Variants in BCL10 observed in about 807,000 individuals in gnomAD.
BCL10 encodes the protein BCL10 immune signaling adaptor, also known as B-cell lymphoma/leukemia 10.
In BCL10, 5 loss-of-function variants were observed where a neutral mutation model predicts 19.2. That is an observed-to-expected ratio of 0.26 (90% CI 0.14 to 0.55). BCL10 has a LOEUF of 0.55. Ranked by LOEUF, BCL10 falls within the 20% of genes least tolerant of loss-of-function variation. BCL10 has a pLI of 0.94. For missense variants in BCL10, 201 were observed against 271.9 expected (o/e 0.74, Z 1.83); for synonymous variants, 110 against 98.8 (o/e 1.11, Z -0.67).
At position 85,266,039 on chromosome 1, in the gene BCL10, A is replaced by G. The variant is rs1267437269; in HGVS notation, c.*1588T>C. 1.3e-5 allele frequency among the ~76,000 whole-genome samples: 2 copies of G among 152,150 alleles called. No individual in the cohort carries two copies. Among genetic ancestry groups the G allele is most frequent in the Non-Finnish European group, 2.9e-5 (2 of 68,014 alleles). ...TGAAACATTTCTCTATAATCCTTAG[A>G]AAGTGCTTATACTAAAAAAAATCCA... On this transcript the variant is annotated 3_prime_UTR_variant, in exon 3 of 3. Transcript: ENST00000648566.
At chr1:85,269,420 A>G (rs1660298892) in intron 2 of BCL10, among the ~76,000 whole-genome samples, 2 of 152,188 alleles carry the variant, frequency 1.3e-5, no homozygotes, top group South Asian at 4.1e-4. Flanking sequence ...AGGCACAGAA[A>G]CCCTGAGTTG....
Position 85,267,969 on chromosome 1 carries a change from G to A in BCL10, c.360C>T (p.Ser120=), listed in dbSNP as rs759056975. The A allele has an allele frequency of 3.4e-5, 53 of 1,556,768 alleles. 1 individual carries two copies. Among genetic ancestry groups the A allele is most frequent in the South Asian group, 3.3e-4 (27 of 82,966 alleles). Residue 120 remains serine, a synonymous_variant, in exon 3 of 3, where the codon AGC becomes AGT. Transcript: ENST00000648566. The part of the protein sequence containing the change: ...KLEHLKGLKC[S]SCEPFPDGAT... ...CTCCATCTGGAAAAGGTTCACAACT[G>A]CTACATTTTAGTCCTACAATAAAAT... is the stretch of plus-strand genomic sequence containing the variant.
intron 1 of BCL10, among the ~76,000 whole-genome samples, chr1:85,271,441 C>CTG (rs1249772381): frequency 1.3e-5 from 2 of 152,034 alleles, no homozygotes; most frequent in African/African-American, 4.8e-5. Flanking sequence ...AGACTACACT[C>CTG]TAACTCAGTG....
At chr1:85,272,300 T>C (rs1474499793) in intron 1 of BCL10, among the ~76,000 whole-genome samples, 2 of 152,114 alleles carry the variant, frequency 1.3e-5, no homozygotes, top group Non-Finnish European at 2.9e-5. Flanking sequence ...GGCTTGATCA[T>C]AGCTCACTGC....
At chr1:85,268,456 A>G (rs920674196) in intron 2 of BCL10, among the ~76,000 whole-genome samples, 7 of 152,202 alleles carry the variant, frequency 4.6e-5, no homozygotes, top group Admixed American at 2.0e-4. Flanking sequence ...GTCACCTAGG[A>G]TAGTCTCTTA....
rs148209014 is a variant in BCL10, at chr1:85,272,495, T to A, written c.58-1589A>T. Among the ~76,000 whole-genome samples the A allele has an allele frequency of 2.6e-3, 401 of 151,662 alleles. 9 individuals are homozygous for A. Among genetic ancestry groups the A allele is most frequent in the Admixed American group, 0.024 (359 of 15,216 alleles). ...GGCCTTAAGTGATCCTCCCACCTTA[T>A]CCTCCTGAGTTGTTGGGATTATAGG... On this transcript the variant is annotated intron_variant, in intron 1 of 2. Coordinates refer to ENST00000648566, the MANE Select transcript of BCL10 (RefSeq NM_003921.5).
intron 2 of BCL10, 118 bp from the exon 3 acceptor site, chr1:85,268,100 C>G (rs1490515192): frequency 1.5e-6 from 1 of 645,662 alleles, no homozygotes; most frequent in African/African-American, 1.8e-5. Context: ...ATTTAAATAG[C>G]AACTTGTAAT....
intron 2 of BCL10, among the ~76,000 whole-genome samples, chr1:85,268,846 G>T (rs1011175111): frequency 1.3e-5 from 2 of 152,038 alleles, no homozygotes; most frequent in African/African-American, 4.8e-5. Flanking sequence ...CTACTTTGTG[G>T]GAAAGTGAGA....
intron 1 of BCL10, among the ~76,000 whole-genome samples, chr1:85,274,090 T>G (rs1660441068): frequency 6.6e-6 from 1 of 152,206 alleles, no homozygotes; most frequent in Admixed American, 6.5e-5. Context: ...GGAATCAGTT[T>G]AAATATAACC....
At position 85,270,612 on chromosome 1, in the gene BCL10, T is replaced by G. The variant is rs112473614; in HGVS notation, c.346+6A>C. 1 of 1,588,400 alleles carries G rather than the reference T, an allele frequency of 6.3e-7. No homozygotes were observed. The highest frequency in any genetic ancestry group is 1.4e-5 in the African/African-American group (1 of 73,422). On this transcript the variant is annotated splice_donor_region_variant and intron_variant, in intron 2 of 2. Transcript: ENST00000648566. The stretch of plus-strand genomic sequence containing the variant: ...AATTAGCTCTTAGATAATTAAGATA[T>G]CTTACCTTTCAGATGTTCTAGTTTT...
chr1:85,273,379 C>T (rs2100751004), intron 1 of BCL10, among the ~76,000 whole-genome samples: 1 of 152,318 alleles, frequency 6.6e-6, no homozygotes, highest in Non-Finnish European at 1.5e-5. Flanking sequence ...GGTTTTCTTC[C>T]CATCCCTGTG....
Sources: gnomAD v4.1 joint callset for allele counts (sites outside exome capture counted in the v4.1 genomes callset) on GRCh38, gnomAD v4.1.1 for gene constraint, MANE v1.5 for transcripts, NCBI Gene and HGNC (gene_info 2026-07-23, HGNC 2026-07-21) for gene names.